The following FOXP1 variants were observed in gnomAD, a reference collection of about 807,000 sequenced individuals.
FOXP1 encodes the protein forkhead box P1.
In FOXP1, 15 loss-of-function variants were observed where a neutral mutation model predicts 98.2. The observed-to-expected ratio is 0.15, with a 90% CI of 0.10 to 0.24. The LOEUF (loss-of-function observed/expected upper bound fraction) is 0.24. Ranked by LOEUF, FOXP1 falls within the 10% of genes least tolerant of loss-of-function variation. The pLI is 1.00. For missense variants in FOXP1, 633 were observed against 848.5 expected, an observed-to-expected ratio of 0.75 and a Z score of 3.15; for synonymous variants, 371 against 314.5, an observed-to-expected ratio of 1.18 and a Z score of -1.90.
intron 4 of FOXP1, among the ~76,000 whole-genome samples, chr3:71,319,060 T>C (rs1176607757): frequency 2.6e-5 from 4 of 152,218 alleles, no homozygotes; most frequent in African/African-American, 9.6e-5. Context: ...ATAGTTGTAC[T>C]GGAAGTCGTG....
chr3:71,392,273 A>G (rs1358320395), intron 3 of FOXP1, among the ~76,000 whole-genome samples: 1 of 152,220 alleles, frequency 6.6e-6, no homozygotes, highest in Non-Finnish European at 1.5e-5. Context: ...TAAGGGTGAA[A>G]CAATTAGAGC....
At chr3:71,400,818 T>C (rs1374264224) in intron 3 of FOXP1, among the ~76,000 whole-genome samples, 1 of 152,208 alleles carries the variant, frequency 6.6e-6, no homozygotes, top group Non-Finnish European at 1.5e-5. Flanking sequence ...TTGTGTTAGA[T>C]GTAGAACCCC....
At chr3:71,453,006 C>T (rs1477029184) in intron 3 of FOXP1, among the ~76,000 whole-genome samples, 1 of 152,182 alleles carries the variant, frequency 6.6e-6, no homozygotes, top group Non-Finnish European at 1.5e-5. Context: ...TTAAATAAAG[C>T]CTGTGCTGCC....
chr3:71,206,690 TC>T (rs2064060630), intron 5 of FOXP1, among the ~76,000 whole-genome samples: 2 of 152,216 alleles, frequency 1.3e-5, no homozygotes, highest in Admixed American at 6.5e-5. Flanking sequence ...GTCTTATTCT[TC>T]AGAACTGTCT....
In FOXP1 at chr3:70,956,294, C is replaced by G. The variant is rs2106803012; in HGVS notation, c.*2953G>C. ...CAACTGGGATAACCCCCAGGGGATA[C>G]AGAATCAGAATTGTAAAAATCATAG... On this transcript the variant is annotated 3_prime_UTR_variant, in exon 21 of 21. Coordinates refer to ENST00000649528, the MANE Select transcript of FOXP1 (RefSeq NM_001349338.3). The G allele has an allele frequency of 4.3e-6, 1 of 232,974 alleles. No homozygotes were observed. The highest frequency in any genetic ancestry group is 6.1e-5 in the East Asian group (1 of 16,488). 14.4% of individuals were successfully genotyped at this position (232,974 alleles called of 1,614,324 possible). A position where few individuals can be genotyped will look rare whatever the true frequency, so the allele number is the denominator to read the frequency against.
rs1424493256 is a variant in FOXP1 at position 71,338,958 on chromosome 3, T to C, written c.-73+20192A>G. Among the ~76,000 whole-genome samples, 3 of 152,102 alleles carry C rather than the reference T, an allele frequency of 2.0e-5. No homozygotes were observed. The East Asian group carries it at 5.8e-4, about 29-fold the overall frequency. ...GCCTATCTAGCAAAGAACACTAGGA[T>C]GGTTTAAGGGGAAAAAGAAGAAAAA... On this transcript the variant is annotated intron_variant, in intron 4 of 20. Transcript: ENST00000649528.
intron 2 of FOXP1, among the ~76,000 whole-genome samples, chr3:71,501,804 C>T (rs944212950): frequency 6.6e-6 from 1 of 152,200 alleles, no homozygotes; most frequent in African/African-American, 2.4e-5. Context: ...AACTCGGTGT[C>T]TTTTACATCA....
chr3:71,470,463 G>T (rs117948844), intron 3 of FOXP1, among the ~76,000 whole-genome samples: 1 of 152,170 alleles, frequency 6.6e-6, no homozygotes. Flanking sequence ...GTTTGAGGCC[G>T]GTGCGGTGGC....
At chr3:71,482,802 C>G (rs1464786951) in intron 3 of FOXP1, among the ~76,000 whole-genome samples, 7 of 151,386 alleles carry the variant, frequency 4.6e-5, no homozygotes, top group African/African-American at 1.7e-4. Context: ...TTTAATAACA[C>G]TGGTTAGGAA....
At chr3:71,217,320 G>A (rs1395371689) in intron 5 of FOXP1, among the ~76,000 whole-genome samples, 4 of 152,084 alleles carry the variant, frequency 2.6e-5, no homozygotes, top group African/African-American at 9.7e-5. Context: ...TGATCCACCC[G>A]CCTTGGCCTC....
At chr3:71,119,092 G>A (rs1336573140) in intron 6 of FOXP1, among the ~76,000 whole-genome samples, 2 of 152,182 alleles carry the variant, frequency 1.3e-5, no homozygotes, top group Non-Finnish European at 2.9e-5. Flanking sequence ...TGGCCAAGGA[G>A]CAAGAACATT....
At chr3:70,966,980 G>A (rs539943685) in intron 19 of FOXP1, among the ~76,000 whole-genome samples, 20 of 152,278 alleles carry the variant, frequency 1.3e-4, no homozygotes, top group African/African-American at 4.6e-4. Context: ...TCATCCAGGT[G>A]GTGATTACGA....
intron 3 of FOXP1, among the ~76,000 whole-genome samples, chr3:71,382,095 G>A (rs896393135): frequency 1.2e-4 from 18 of 152,064 alleles, no homozygotes; most frequent in African/African-American, 4.3e-4. Flanking sequence ...AACATGGCGA[G>A]ACCCTGTCTC....
intron 5 of FOXP1, among the ~76,000 whole-genome samples, chr3:71,258,002 A>G (rs1254988093): frequency 6.6e-6 from 1 of 152,252 alleles, no homozygotes; most frequent in Non-Finnish European, 1.5e-5. Context: ...TAGGCCCTCA[A>G]CAAAATGGTA....
chr3:71,583,299 C>T (rs1056495581), intron 1 of FOXP1, among the ~76,000 whole-genome samples: 2 of 152,030 alleles, frequency 1.3e-5, no homozygotes, highest in Non-Finnish European at 2.9e-5. Flanking sequence ...GCCGCCGGAG[C>T]TCCCTCCACC....
At chr3:71,164,285 C>T (rs1178503942) in intron 6 of FOXP1, among the ~76,000 whole-genome samples, 3 of 152,038 alleles carry the variant, frequency 2.0e-5, no homozygotes, top group South Asian at 2.1e-4. Context: ...CTGCAAGCTC[C>T]GCCTCCCGGG....
At chr3:71,583,811 G>C (rs1169745882), upstream of FOXP1, 7 of 986,744 alleles carry the variant, frequency 7.1e-6, no homozygotes, top group African/African-American at 1.2e-4. Flanking sequence ...CGCCGGTGGC[G>C]GCGGCGGCGG....
intron 2 of FOXP1, among the ~76,000 whole-genome samples, chr3:71,542,894 A>C (rs1382909849): frequency 6.6e-6 from 1 of 152,200 alleles, no homozygotes; most frequent in Admixed American, 6.5e-5. Context: ...GCAAGAGTGG[A>C]GGGGAGCAGG....
At chr3:71,230,248 G>A (rs1186443487) in intron 5 of FOXP1, among the ~76,000 whole-genome samples, 1 of 152,168 alleles carries the variant, frequency 6.6e-6, no homozygotes, top group African/African-American at 2.4e-5. Flanking sequence ...CTTTTCAAAT[G>A]GATCGCTTTC....
Sources: allele counts gnomAD v4.1 joint callset (sites outside exome capture counted in the v4.1 genomes callset), GRCh38; gene constraint gnomAD v4.1.1; transcripts MANE v1.5; gene names NCBI Gene and HGNC (gene_info 2026-07-23, HGNC 2026-07-21).